The following TMEM132C variants were observed in gnomAD, a reference collection of about 807,000 sequenced individuals.
TMEM132C encodes the protein protein phosphatase 1, regulatory subunit 152.
In TMEM132C, 29 loss-of-function variants were observed where a neutral mutation model predicts 61.4. The observed-to-expected ratio is 0.47, with a 90% CI of 0.35 to 0.64. The LOEUF (loss-of-function observed/expected upper bound fraction) is 0.64. Ranked by LOEUF, TMEM132C falls within the 30% of genes least tolerant of loss-of-function variation. The pLI is 0.00. For synonymous variants in TMEM132C, 656 were observed against 633.1 expected, an observed-to-expected ratio of 1.04 and a Z score of -0.54; for missense variants, 1,408 against 1,476.9, an observed-to-expected ratio of 0.95 and a Z score of 0.76.
At chr12:128,296,265 G>A (rs1276023278) in intron 1 of TMEM132C, among the ~76,000 whole-genome samples, 1 of 152,210 alleles carries the variant, frequency 6.6e-6, no homozygotes, top group Non-Finnish European at 1.5e-5. Flanking sequence ...CACGAATACA[G>A]TCTGCCTTAA....
At chr12:128,672,764 G>A (rs933095274) in intron 5 of TMEM132C, among the ~76,000 whole-genome samples, 1 of 152,206 alleles carries the variant, frequency 6.6e-6, no homozygotes, top group Non-Finnish European at 1.5e-5. Context: ...GAATGCCATG[G>A]AGAGAAGATG....
At chr12:128,690,153 A>G (rs960611903) in intron 5 of TMEM132C, among the ~76,000 whole-genome samples, 1 of 152,204 alleles carries the variant, frequency 6.6e-6, no homozygotes. Flanking sequence ...ACAGGCAGAC[A>G]CTGATTTCTG....
intron 1 of TMEM132C, among the ~76,000 whole-genome samples, chr12:128,276,112 G>T (rs1298044734): frequency 3.9e-5 from 6 of 152,174 alleles, no homozygotes; most frequent in Admixed American, 3.3e-4. Flanking sequence ...TCTGAAAAGA[G>T]ATTTTTTTCT....
chr12:128,659,869 C>G (rs1277613699), intron 4 of TMEM132C, among the ~76,000 whole-genome samples: 1 of 152,232 alleles, frequency 6.6e-6, no homozygotes, highest in Non-Finnish European at 1.5e-5. Flanking sequence ...ACTCCCACAA[C>G]CCCCACTGGT....
intron 2 of TMEM132C, among the ~76,000 whole-genome samples, chr12:128,506,517 G>T (rs577078048): frequency 6.6e-6 from 1 of 152,134 alleles, no homozygotes; most frequent in Non-Finnish European, 1.5e-5. Flanking sequence ...TCTGGTGGGA[G>T]CTATTTGAGG....
intron 1 of TMEM132C, among the ~76,000 whole-genome samples, chr12:128,301,967 A>G (rs1407186446): frequency 5.3e-5 from 8 of 152,342 alleles, no homozygotes; most frequent in Admixed American, 2.6e-4. Flanking sequence ...ATCAGATCTC[A>G]TGAGACTTAC....
chr12:128,395,775 C>G (rs1874929207), intron 1 of TMEM132C, among the ~76,000 whole-genome samples: 1 of 152,308 alleles, frequency 6.6e-6, no homozygotes. Context: ...TAGAAAAATC[C>G]TACGTTGCAG....
intron 3 of TMEM132C, among the ~76,000 whole-genome samples, chr12:128,615,154 C>T (rs1374794269): frequency 1.3e-5 from 2 of 152,166 alleles, no homozygotes; most frequent in African/African-American, 4.8e-5. Context: ...TAGTTTAGGC[C>T]TCTCAGCCCC....
chr12:128,386,015 A>G (rs1182479226), intron 1 of TMEM132C, among the ~76,000 whole-genome samples: 1 of 151,952 alleles, frequency 6.6e-6, no homozygotes, highest in Non-Finnish European at 1.5e-5. Context: ...CTCACGAAGT[A>G]TTTGGTTCTC....
At chr12:128,282,388 A>G (rs919307467) in intron 1 of TMEM132C, among the ~76,000 whole-genome samples, 1 of 152,268 alleles carries the variant, frequency 6.6e-6, no homozygotes, top group Non-Finnish European at 1.5e-5. Context: ...CAGGAAACTT[A>G]CAATCATGGC....
At chr12:128,387,204 G>T (rs1874614086) in intron 1 of TMEM132C, among the ~76,000 whole-genome samples, 1 of 151,560 alleles carries the variant, frequency 6.6e-6, no homozygotes, top group Admixed American at 6.6e-5. Context: ...GTTGTGCTGT[G>T]CAAAGCTCTC....
intron 2 of TMEM132C, among the ~76,000 whole-genome samples, chr12:128,522,989 G>A (rs1219986391): frequency 2.0e-5 from 3 of 152,178 alleles, no homozygotes; most frequent in Non-Finnish European, 4.4e-5. Flanking sequence ...ACAACAGTCA[G>A]ACGGTAAAAG....
chr12:128,598,525 G>A (rs945924772), intron 3 of TMEM132C, among the ~76,000 whole-genome samples: 2 of 151,952 alleles, frequency 1.3e-5, no homozygotes, highest in Admixed American at 6.6e-5. Flanking sequence ...TCCCACCCCA[G>A]CCTTGCTCCC....
intron 1 of TMEM132C, among the ~76,000 whole-genome samples, chr12:128,270,106 G>C (rs1445203803): frequency 6.6e-6 from 1 of 152,138 alleles, no homozygotes; most frequent in African/African-American, 2.4e-5. Context: ...GATGTATTGC[G>C]CCTGTATAAA....
chr12:128,527,707 A>ACG (rs1555229922), intron 2 of TMEM132C, among the ~76,000 whole-genome samples: 3 of 147,102 alleles, frequency 2.0e-5, no homozygotes, highest in Non-Finnish European at 3.0e-5. Flanking sequence ...ATGTGCATGT[A>ACG]TGTGTGTGTG....
chr12:128,382,040 C>T (rs1457157291), intron 1 of TMEM132C, among the ~76,000 whole-genome samples: 2 of 141,082 alleles, frequency 1.4e-5, no homozygotes, highest in East Asian at 4.1e-4. Context: ...TTGTTATTCG[C>T]TTTTTTTTTT....
chr12:128,470,957 A>G (rs1870930477), intron 2 of TMEM132C, among the ~76,000 whole-genome samples: 1 of 152,172 alleles, frequency 6.6e-6, no homozygotes. Flanking sequence ...TGTTTTCTGT[A>G]CTTTCACTCT....
chr12:128,272,340 A>G (rs998752075), intron 1 of TMEM132C, among the ~76,000 whole-genome samples: 2 of 152,320 alleles, frequency 1.3e-5, no homozygotes, highest in Middle Eastern at 3.4e-3. Context: ...ATAGTCACCT[A>G]TGTATCAATA....
intron 5 of TMEM132C, among the ~76,000 whole-genome samples, chr12:128,692,784 G>C (rs1170242475): frequency 6.6e-6 from 1 of 152,180 alleles, no homozygotes; most frequent in Admixed American, 6.5e-5. Context: ...CTCTGGGCTG[G>C]TAGATAGAGT....
Sources: allele counts gnomAD v4.1 joint callset (sites outside exome capture counted in the v4.1 genomes callset), GRCh38; gene constraint gnomAD v4.1.1; transcripts MANE v1.5; gene names NCBI Gene and HGNC (gene_info 2026-07-23, HGNC 2026-07-21).